Variants in CADM2 observed in about 807,000 individuals in gnomAD.
CADM2 encodes the protein immunoglobulin superfamily member 4D.
In CADM2, 12 loss-of-function variants were observed where a neutral mutation model predicts 49.8. That is an observed-to-expected ratio of 0.24 (90% CI 0.15 to 0.39). The LOEUF is 0.39. CADM2 is among the 10% of genes least tolerant of loss of function. The pLI is 1.00. For missense variants in CADM2, 378 were observed against 492.3 expected, an observed-to-expected ratio of 0.77 and a Z score of 2.20; for synonymous variants, 214 against 175.4, an observed-to-expected ratio of 1.22 and a Z score of -1.74.
At chr3:86,057,227 C>G (rs1256986730) in intron 8 of CADM2, among the ~76,000 whole-genome samples, 2 of 152,084 alleles carry the variant, frequency 1.3e-5, no homozygotes, top group Non-Finnish European at 2.9e-5. Context: ...TATTTTTTCC[C>G]ACAAGTTATG....
chr3:85,403,288 C>A (rs1559822181), intron 1 of CADM2, among the ~76,000 whole-genome samples: 1 of 152,124 alleles, frequency 6.6e-6, no homozygotes, highest in South Asian at 2.1e-4. Flanking sequence ...TACTGCACAC[C>A]AAACCGAAAT....
intron 3 of CADM2, among the ~76,000 whole-genome samples, chr3:85,807,510 A>C (rs2072518637): frequency 6.7e-6 from 1 of 149,322 alleles, no homozygotes; most frequent in Admixed American, 6.6e-5. Context: ...AAAAAAAAAA[A>C]AAAAAAAAGA....
At chr3:85,216,089 T>A (rs1026701468) in intron 1 of CADM2, among the ~76,000 whole-genome samples, 6 of 151,986 alleles carry the variant, frequency 3.9e-5, no homozygotes, top group African/African-American at 1.2e-4. Context: ...AGTTTGGGGA[T>A]AGTTGTTCAA....
At chr3:85,350,617 T>G (rs1167885997) in intron 1 of CADM2, among the ~76,000 whole-genome samples, 1 of 152,190 alleles carries the variant, frequency 6.6e-6, no homozygotes, top group African/African-American at 2.4e-5. Flanking sequence ...TACTGTGATC[T>G]TTCATAGAGT....
At chr3:85,126,484 A>G (rs2039038419) in intron 1 of CADM2, among the ~76,000 whole-genome samples, 1 of 152,124 alleles carries the variant, frequency 6.6e-6, no homozygotes, top group Admixed American at 6.5e-5. Flanking sequence ...AATATAAGAA[A>G]CATTTTCTTT....
intron 1 of CADM2, among the ~76,000 whole-genome samples, chr3:85,196,504 T>G (rs1262694557): frequency 6.6e-6 from 1 of 152,000 alleles, no homozygotes; most frequent in Non-Finnish European, 1.5e-5. Context: ...AGTTAAATTT[T>G]AATAATTATT....
At chr3:85,060,979 C>A (rs2036286546) in intron 1 of CADM2, among the ~76,000 whole-genome samples, 1 of 151,944 alleles carries the variant, frequency 6.6e-6, no homozygotes. Flanking sequence ...AACCAGAATG[C>A]ACAAAAATTC....
At chr3:85,957,179 G>T (rs1724170001) in intron 7 of CADM2, among the ~76,000 whole-genome samples, 2 of 151,670 alleles carry the variant, frequency 1.3e-5, no homozygotes, top group Non-Finnish European at 2.9e-5. Context: ...TATAAAATAA[G>T]AATTGGTAAA....
chr3:85,125,839 A>G (rs919468650), intron 1 of CADM2, among the ~76,000 whole-genome samples: 1 of 152,238 alleles, frequency 6.6e-6, no homozygotes, highest in Non-Finnish European at 1.5e-5. Flanking sequence ...TAAATTTGGC[A>G]TTTGAATTAA....
intron 1 of CADM2, among the ~76,000 whole-genome samples, chr3:85,201,586 T>C (rs2041502883): frequency 6.6e-6 from 1 of 152,172 alleles, no homozygotes; most frequent in Non-Finnish European, 1.5e-5. Context: ...TTCTTTGCAG[T>C]ATGTGATGAT....
intron 1 of CADM2, among the ~76,000 whole-genome samples, chr3:85,613,983 C>A (rs1344197995): frequency 6.6e-6 from 1 of 151,434 alleles, no homozygotes; most frequent in Non-Finnish European, 1.5e-5. Context: ...AATGTATTTT[C>A]TTACTATTAT....
At chr3:85,771,740 T>A (rs2070098646) in intron 2 of CADM2, among the ~76,000 whole-genome samples, 1 of 152,064 alleles carries the variant, frequency 6.6e-6, no homozygotes, top group Non-Finnish European at 1.5e-5. Context: ...TTGATAGAAT[T>A]ATTTCTGAAA....
intron 1 of CADM2, among the ~76,000 whole-genome samples, chr3:85,329,920 T>A (rs1427493811): frequency 6.6e-6 from 1 of 152,162 alleles, no homozygotes; most frequent in African/African-American, 2.4e-5. Flanking sequence ...TTAGTTTTCC[T>A]GATTAGTAGC....
At position 85,436,468 on chromosome 3, in the gene CADM2, G is replaced by A. The variant is rs191274057; in HGVS notation, c.62-290054G>A. Among the ~76,000 whole-genome samples, 444 of 152,202 alleles carry A rather than the reference G, an allele frequency of 2.9e-3. 4 individuals are homozygous for A. The highest frequency in any genetic ancestry group is 0.01 in the African/African-American group (431 of 41,548). ...ACTCTGTTGAATAGGAGCAGTGAGA[G>A]AGAGCATCCTTGTCTTGTGCCGGTT... is the stretch of plus-strand genomic sequence containing the variant. On this transcript the variant is annotated intron_variant, in intron 1 of 9. Coordinates refer to ENST00000383699, the MANE Select transcript of CADM2 (RefSeq NM_001167675.2).
At chr3:85,663,028 G>A (rs896562731) in intron 1 of CADM2, among the ~76,000 whole-genome samples, 3 of 151,972 alleles carry the variant, frequency 2.0e-5, no homozygotes, top group Admixed American at 1.3e-4. Flanking sequence ...TAGATATTTG[G>A]TGTATTTCAT....
intron 1 of CADM2, among the ~76,000 whole-genome samples, chr3:85,331,999 C>A (rs1339863371): frequency 1.3e-5 from 2 of 152,056 alleles, no homozygotes; most frequent in African/African-American, 4.8e-5. Context: ...TTGACAGTTT[C>A]TTATAAATTT....
chr3:85,148,588 A>G (rs551863052), intron 1 of CADM2, among the ~76,000 whole-genome samples: 1 of 152,266 alleles, frequency 6.6e-6, no homozygotes, highest in Admixed American at 6.5e-5. Context: ...AGTGCATTTG[A>G]CCCTCAAACA....
chr3:85,014,923 T>C (rs2107269660), intron 1 of CADM2, among the ~76,000 whole-genome samples: 1 of 152,324 alleles, frequency 6.6e-6, no homozygotes, highest in South Asian at 2.1e-4. Context: ...TGCCTGCCTA[T>C]ATCCTTCTAT....
chr3:85,043,781 C>T (rs532346926), intron 1 of CADM2, among the ~76,000 whole-genome samples: 1 of 152,232 alleles, frequency 6.6e-6, no homozygotes, highest in South Asian at 2.1e-4. Context: ...TACAATTATC[C>T]TTGTCTGGGG....
Sources: gnomAD v4.1 joint callset for allele counts (sites outside exome capture counted in the v4.1 genomes callset) on GRCh38, gnomAD v4.1.1 for gene constraint, MANE v1.5 for transcripts, NCBI Gene and HGNC (gene_info 2026-07-23, HGNC 2026-07-21) for gene names.